SHLD2: variants seen among roughly 807,000 people sequenced by gnomAD.
SHLD2 encodes RINN1-REV7-interacting novel NHEJ regulator 2.
A neutral mutation model predicts 73.2 loss-of-function variants in SHLD2; 30 were observed. That is an observed-to-expected ratio of 0.41 (90% CI 0.31 to 0.56). The LOEUF is 0.56. Among genes scored for constraint, SHLD2 ranks in the 20% least tolerant of loss-of-function variants. SHLD2 has a pLI of 0.28. For synonymous variants in SHLD2, 285 were observed against 370.1 expected (o/e 0.77, Z 2.64); for missense variants, 745 against 1,055.9 (o/e 0.71, Z 4.08).
At chr10:87,159,095 A>G (rs1245393130) in intron 4 of SHLD2, among the ~76,000 whole-genome samples, 1 of 152,230 alleles carries the variant, frequency 6.6e-6, no homozygotes, top group Non-Finnish European at 1.5e-5. Context: ...AAATAGCTAG[A>G]GAAATATACT....
intron 4 of SHLD2, among the ~76,000 whole-genome samples, chr10:87,162,203 G>C (rs1486652402): frequency 6.6e-6 from 1 of 152,038 alleles, no homozygotes. Flanking sequence ...CTTGGTGTAG[G>C]GAAAGGCTTT....
At chr10:87,135,639 G>A (rs940860267) in intron 2 of SHLD2, among the ~76,000 whole-genome samples, 11 of 150,476 alleles carry the variant, frequency 7.3e-5, no homozygotes, top group Admixed American at 4.7e-4. Flanking sequence ...GACTACAGAT[G>A]CATGCCACCA....
At chr10:87,094,697 C>A, upstream of SHLD2, 1 of 1,495,706 alleles carries the variant, frequency 6.7e-7, no homozygotes, top group South Asian at 1.3e-5. The surrounding 1 kb of genome is among the most constrained non-coding windows in gnomAD (Gnocchi z 6.6). Flanking sequence ...GCGGCCGAGT[C>A]GGCGGACGCC....
rs148634820 is a variant in SHLD2 at position 87,158,049 on chromosome 10, T to A, written c.1527T>A (p.Asp509Glu). ...VFLGDIILLT[D>E]VVIHEDQWIG... ...TCAGAACGTTTTTTCTCTCTCTAGA[T>A]GTTGTTATTCATGAGGACCAATGGA... Residue 509 changes from aspartate (D) to glutamate (E), a missense_variant and splice_region_variant, in exon 4 of 10, where the codon GAT (aspartate) becomes GAA (glutamate). Physicochemically the swap from Asp to Glu is conservative, Grantham distance 45 (BLOSUM62 2). Transcript: ENST00000298786. 2.0e-5 allele frequency: 33 copies of A among 1,611,004 alleles called. No individual in the cohort carries two copies. In the African/African-American group the frequency reaches 4.3e-4, roughly 21 times the overall value.
chr10:87,135,983 C>A (rs1844771719), intron 2 of SHLD2, among the ~76,000 whole-genome samples: 1 of 151,644 alleles, frequency 6.6e-6, no homozygotes, highest in African/African-American at 2.4e-5. Flanking sequence ...GCGCAGCCTA[C>A]ACTTAAGGCA....
At chr10:87,165,084 G>T (rs1404574397) in intron 4 of SHLD2, among the ~76,000 whole-genome samples, 1 of 152,042 alleles carries the variant, frequency 6.6e-6, no homozygotes, top group African/African-American at 2.4e-5. Flanking sequence ...CTATTCGGGA[G>T]GCTGAGGTGG....
At chr10:87,169,142 A>T (rs1847411334) in intron 4 of SHLD2, among the ~76,000 whole-genome samples, 1 of 152,308 alleles carries the variant, frequency 6.6e-6, no homozygotes, top group Admixed American at 6.5e-5. Flanking sequence ...ACAAATATAT[A>T]ATTTGATGTT....
chr10:87,189,150 C>T (rs1197637785), intron 9 of SHLD2, among the ~76,000 whole-genome samples: 7 of 151,960 alleles, frequency 4.6e-5, no homozygotes, highest in Non-Finnish European at 8.8e-5. Flanking sequence ...TACAGGCATG[C>T]GCCACCATGC....
At chr10:87,149,676 A>G (rs1164211697) in intron 2 of SHLD2, among the ~76,000 whole-genome samples, 1 of 152,078 alleles carries the variant, frequency 6.6e-6, no homozygotes, top group Non-Finnish European at 1.5e-5. Context: ...GTGAGCTGAG[A>G]TCACGTCATT....
Position 87,190,659 on chromosome 10 carries a change from G to A in SHLD2, c.2691G>A (p.Lys897=). 2 of 1,611,916 alleles carry A rather than the reference G, an allele frequency of 1.2e-6. No homozygotes were observed. The highest frequency in any genetic ancestry group is 1.7e-6 in the Non-Finnish European group (2 of 1,179,824). The change falls in exon 10 of 10, where the codon AAG becomes AAA. Residue 897 remains lysine (K), a synonymous_variant. Transcript: ENST00000298786. ...TGGATTTTTATCCTGACATTGTAAA[G>A]CATGGAGCCAATGCCCGTCTCTGAG... is the stretch of plus-strand genomic sequence containing the variant. The part of the protein sequence containing the change: ...SLLDFYPDIV[K]HGANARL
rs768422037 is a variant in SHLD2 at position 87,187,218 on chromosome 10, C to T, written c.2515+18C>T. On this transcript the variant is annotated intron_variant, in intron 9 of 9. Coordinates refer to ENST00000298786, the MANE Select transcript of SHLD2 (RefSeq NM_001330112.2). ...AGTGATAGGTAATATATCAGTGTGC[C>T]ATCAAGAAGTTGTTTTATTCAGGAG... The T allele has an allele frequency of 4.2e-6, 6 of 1,414,644 alleles. No homozygotes were observed. Among genetic ancestry groups the T allele is most frequent in the Non-Finnish European group, 6.0e-6 (6 of 997,920 alleles). The allele number at this position is 1,414,644 out of a possible 1,614,324, so 87.6% of individuals were successfully genotyped here. A position where few individuals can be genotyped will look rare whatever the true frequency, so the allele number is the denominator to read the frequency against.
At chr10:87,134,269 A>T (rs974716703) in intron 2 of SHLD2, among the ~76,000 whole-genome samples, 1 of 152,230 alleles carries the variant, frequency 6.6e-6, no homozygotes, top group Non-Finnish European at 1.5e-5. Context: ...CCCATCTAAG[A>T]GCTGAGGATA....
chr10:87,153,248 G>A (rs1280963248), intron 3 of SHLD2, among the ~76,000 whole-genome samples: 6 of 152,066 alleles, frequency 3.9e-5, no homozygotes, highest in Non-Finnish European at 7.4e-5. Flanking sequence ...CACAGAACCC[G>A]TCTCTACAAA....
At chr10:87,117,145 C>A (rs577189598) in intron 2 of SHLD2, among the ~76,000 whole-genome samples, 1 of 152,296 alleles carries the variant, frequency 6.6e-6, no homozygotes, top group South Asian at 2.1e-4. Flanking sequence ...TGCGGCCGGG[C>A]AAGGTGGCTC....
At chr10:87,094,514 C>T (rs546318407), upstream of SHLD2, 5 of 1,613,220 alleles carry the variant, frequency 3.1e-6, no homozygotes, top group African/African-American at 2.7e-5. This position sits in a 1 kb window ranked among gnomAD's most constrained non-coding sequence, Gnocchi z 6.6. Flanking sequence ...AGGTCCTCCA[C>T]CAGCTTGTCC....
chr10:87,158,665 T>G (rs911024694), intron 4 of SHLD2, among the ~76,000 whole-genome samples: 1 of 152,172 alleles, frequency 6.6e-6, no homozygotes, highest in Non-Finnish European at 1.5e-5. Context: ...ATCTTTCTTC[T>G]TTAATGTCCA....
At chr10:87,117,194 C>T (rs1179304258) in intron 2 of SHLD2, among the ~76,000 whole-genome samples, 2 of 151,966 alleles carry the variant, frequency 1.3e-5, no homozygotes, top group African/African-American at 2.4e-5. Flanking sequence ...CCGAGGTGGG[C>T]GGATCACCTG....
intron 2 of SHLD2, among the ~76,000 whole-genome samples, chr10:87,097,592 A>C (rs1019354492): frequency 6.6e-6 from 1 of 152,100 alleles, no homozygotes; most frequent in Non-Finnish European, 1.5e-5. Flanking sequence ...TCTTCATCTC[A>C]AAAAAGGAAA....
intron 2 of SHLD2, among the ~76,000 whole-genome samples, chr10:87,129,633 G>T (rs1589499258): frequency 6.6e-6 from 1 of 151,880 alleles, no homozygotes; most frequent in East Asian, 1.9e-4. Context: ...GAAAAGTATC[G>T]ATTTTTTTTC....
Sources: allele counts gnomAD v4.1 joint callset (sites outside exome capture counted in the v4.1 genomes callset), GRCh38; gene constraint gnomAD v4.1.1; non-coding constraint Gnocchi (gnomAD v3.1); transcripts MANE v1.5; gene names NCBI Gene and HGNC (gene_info 2026-07-23, HGNC 2026-07-21).